The following EPHB1 variants were observed in gnomAD, a reference collection of about 807,000 sequenced individuals.
The protein encoded by EPHB1 is ephrin type-B receptor 1.
A neutral mutation model predicts 94.4 loss-of-function variants in EPHB1; 30 were observed. The observed-to-expected ratio is 0.32, with a 90% CI of 0.24 to 0.43. EPHB1 has a LOEUF of 0.43. Among genes scored for constraint, EPHB1 ranks in the 20% least tolerant of loss-of-function variants. The pLI is 1.00. For missense variants in EPHB1, 1,055 were observed against 1,308.3 expected (o/e 0.81, Z 2.99); for synonymous variants, 522 against 489.1 (o/e 1.07, Z -0.89).
chr3:134,873,510 A>G (rs533660610), intron 1 of EPHB1, among the ~76,000 whole-genome samples: 1 of 152,350 alleles, frequency 6.6e-6, no homozygotes, highest in East Asian at 1.9e-4. Flanking sequence ...AATAGTGTAT[A>G]TATTTATTGG....
At chr3:135,074,836 G>T (rs1364109575) in intron 3 of EPHB1, among the ~76,000 whole-genome samples, 2 of 152,128 alleles carry the variant, frequency 1.3e-5, no homozygotes, top group African/African-American at 4.8e-5. Flanking sequence ...CTAAGTAAAG[G>T]CCATGTAAGC....
intron 3 of EPHB1, among the ~76,000 whole-genome samples, chr3:134,995,912 C>T (rs572506471): frequency 1.3e-5 from 2 of 148,652 alleles, no homozygotes; most frequent in African/African-American, 5.1e-5. Context: ...GCTATGTAGA[C>T]ATAACTACTA....
intron 12 of EPHB1, among the ~76,000 whole-genome samples, chr3:135,204,894 T>C (rs1414242027): frequency 6.9e-6 from 1 of 144,144 alleles, no homozygotes; most frequent in African/African-American, 2.6e-5. Context: ...TTTTTTTTTT[T>C]TTTTTTTTTT....
intron 3 of EPHB1, among the ~76,000 whole-genome samples, chr3:135,001,040 C>G (rs1322359759): frequency 6.6e-6 from 1 of 152,178 alleles, no homozygotes; most frequent in Non-Finnish European, 1.5e-5. Context: ...TGGCTCGGAG[C>G]AGACACCTTT....
At chr3:134,905,546 C>T (rs1225980709) in intron 1 of EPHB1, among the ~76,000 whole-genome samples, 2 of 152,322 alleles carry the variant, frequency 1.3e-5, no homozygotes, top group South Asian at 2.1e-4. Context: ...AGGGACCACC[C>T]GCTGGGAAAA....
chr3:134,999,549 T>C lies in EPHB1; in HGVS notation c.805+47497T>C, dbSNP rs537324292. Among the ~76,000 whole-genome samples the C allele has an allele frequency of 9.9e-5, 15 of 152,210 alleles. No homozygotes were observed. The South Asian group carries it at 2.5e-3, about 25-fold the overall frequency. On this transcript the variant is annotated intron_variant, in intron 3 of 15. Transcript: ENST00000398015. ...TACTGTGGACTGTGGTAAAAATATA[T>C]TCAGGTGAGAAGGAAAGACGGTGAG...
At chr3:134,953,835 C>G (rs1033743560) in intron 3 of EPHB1, among the ~76,000 whole-genome samples, 1 of 152,278 alleles carries the variant, frequency 6.6e-6, no homozygotes, top group Non-Finnish European at 1.5e-5. Context: ...GTCCGTGTAG[C>G]TTGTCAGTTA....
intron 4 of EPHB1, among the ~76,000 whole-genome samples, chr3:135,130,010 C>T (rs998481693): frequency 5.3e-5 from 8 of 152,116 alleles, no homozygotes; most frequent in Non-Finnish European, 1.2e-4. Context: ...GGAGGGCAAC[C>T]ATTTTGGATA....
chr3:135,174,425 A>G (rs1242765404), intron 9 of EPHB1, among the ~76,000 whole-genome samples: 1 of 152,138 alleles, frequency 6.6e-6, no homozygotes. Flanking sequence ...TTCAGGCTCA[A>G]GCTGAGTTCT....
At chr3:135,016,154 T>C (rs59183816) in intron 3 of EPHB1, among the ~76,000 whole-genome samples, 2 of 152,174 alleles carry the variant, frequency 1.3e-5, no homozygotes, top group Non-Finnish European at 2.9e-5. Context: ...TCTGAAGTGA[T>C]CAGCTGCCAC....
intron 3 of EPHB1, among the ~76,000 whole-genome samples, chr3:135,054,024 C>CATATAT (rs144029421): frequency 0.017 from 2,297 of 137,296 alleles, 72 homozygotes; most frequent in African/African-American, 0.06. Context: ...TGTGTGTCTG[C>CATATAT]ATATATATAT....
At chr3:134,913,426 A>G (rs748990126) in intron 1 of EPHB1, among the ~76,000 whole-genome samples, 14 of 152,202 alleles carry the variant, frequency 9.2e-5, no homozygotes, top group Non-Finnish European at 1.9e-4. Context: ...CATCAGGGAG[A>G]TGAGCAGCAT....
At chr3:135,171,273 T>G (rs1941794399) in intron 9 of EPHB1, among the ~76,000 whole-genome samples, 2 of 152,222 alleles carry the variant, frequency 1.3e-5, no homozygotes, top group South Asian at 2.1e-4. Context: ...AAAAAATATT[T>G]TATGGTCTCC....
At chr3:135,256,306 C>T (rs1933383552) in intron 15 of EPHB1, among the ~76,000 whole-genome samples, 1 of 152,142 alleles carries the variant, frequency 6.6e-6, no homozygotes, top group South Asian at 2.1e-4. Flanking sequence ...GCAGTTTCTT[C>T]CTAGTCTCAA....
At chr3:134,828,735 G>T (rs545295979) in intron 1 of EPHB1, among the ~76,000 whole-genome samples, 1 of 152,324 alleles carries the variant, frequency 6.6e-6, no homozygotes, top group East Asian at 1.9e-4. Flanking sequence ...GGCCAGGGAA[G>T]GGGTCTAATG....
At chr3:135,053,054 T>TATATATATAA (rs1228359626) in intron 3 of EPHB1, among the ~76,000 whole-genome samples, 7 of 136,362 alleles carry the variant, frequency 5.1e-5, no homozygotes, top group African/African-American at 2.0e-4. Flanking sequence ...TATATATATA[T>TATATATATAA]AAAGTTGGTG....
intron 1 of EPHB1, among the ~76,000 whole-genome samples, chr3:134,837,829 G>A (rs2036700970): frequency 6.6e-6 from 1 of 152,288 alleles, no homozygotes; most frequent in Admixed American, 6.5e-5. Flanking sequence ...TAAAAAGAAG[G>A]TGAGGAGAAT....
At chr3:135,087,474 T>C (rs1264547236) in intron 3 of EPHB1, among the ~76,000 whole-genome samples, 1 of 152,204 alleles carries the variant, frequency 6.6e-6, no homozygotes, top group Admixed American at 6.5e-5. Context: ...ATTAGCCTAA[T>C]GATGATGAAA....
At chr3:135,211,243 A>G (rs1269938852) in intron 12 of EPHB1, among the ~76,000 whole-genome samples, 4 of 152,232 alleles carry the variant, frequency 2.6e-5, no homozygotes, top group Non-Finnish European at 4.4e-5. Context: ...TCTTTATGTT[A>G]TCATTGTTAT....
Sources: gnomAD v4.1 joint callset for allele counts (sites outside exome capture counted in the v4.1 genomes callset) on GRCh38, gnomAD v4.1.1 for gene constraint, MANE v1.5 for transcripts, NCBI Gene and HGNC (gene_info 2026-07-23, HGNC 2026-07-21) for gene names.